The following CLIP3 variants were observed in gnomAD, a reference collection of about 807,000 sequenced individuals.
CLIP3 encodes the protein CAP-Gly domain containing linker protein 3.
CLIP3 carries 15 observed loss-of-function variants against 59.4 expected under a neutral mutation model. The observed-to-expected ratio is 0.25, with a 90% CI of 0.17 to 0.39. The LOEUF is 0.39. CLIP3 is among the 10% of genes least tolerant of loss of function. The pLI is 1.00. For synonymous variants in CLIP3, 300 were observed against 321.6 expected (o/e 0.93, Z 0.72); for missense variants, 495 against 765.7 (o/e 0.65, Z 4.17).
intron 2 of CLIP3, among the ~76,000 whole-genome samples, chr19:36,031,454 C>T (rs1490532222): frequency 6.6e-6 from 1 of 152,180 alleles, no homozygotes; most frequent in Admixed American, 6.5e-5. Flanking sequence ...ATTAAATCTC[C>T]GGCACCCAGC....
chr19:36,021,526 C>T (rs533442001), intron 7 of CLIP3, among the ~76,000 whole-genome samples: 24 of 150,830 alleles, frequency 1.6e-4, no homozygotes, highest in African/African-American at 5.6e-4. Context: ...TGGGCTCAAG[C>T]GATCCTCTCA....
In CLIP3 at chr19:36,026,046, G is replaced by A; in HGVS notation, c.681+101C>T. 1.2e-6 allele frequency: 1 copy of A among 800,926 alleles called. No homozygotes were observed. Among genetic ancestry groups the A allele is most frequent in the Non-Finnish European group, 2.1e-6 (1 of 466,604 alleles). 49.6% of individuals were successfully genotyped at this position (800,926 alleles called of 1,614,324 possible). On this transcript the variant is annotated intron_variant, in intron 6 of 13. Coordinates refer to ENST00000360535, the MANE Select transcript of CLIP3 (RefSeq NM_015526.3). This position sits in a 1 kb window ranked among gnomAD's most constrained non-coding sequence, Gnocchi z 6.3. ...TTTGCTGAATGTACAGACGGCATTT[G>A]TAGTATTTGGGGAGTCACGGGAAAC...
At chr19:36,025,970 G>C (rs193255009) in intron 6 of CLIP3, among the ~76,000 whole-genome samples, 177 bp downstream of exon 6, 4 of 152,314 alleles carry the variant, frequency 2.6e-5, no homozygotes, top group Non-Finnish European at 5.9e-5. Flanking sequence ...GCTTATAATA[G>C]ACTTCACCTG....
chr19:36,020,699 G>A (rs1476448531), intron 7 of CLIP3, among the ~76,000 whole-genome samples: 1 of 152,152 alleles, frequency 6.6e-6, no homozygotes, highest in African/African-American at 2.4e-5. Context: ...GTGCTCAATT[G>A]TCACATGTAG....
Position 36,026,378 on chromosome 19 carries a change from C to T in CLIP3, c.563-113G>A. 1 of 1,146,672 alleles carries T rather than the reference C, an allele frequency of 8.7e-7. No homozygotes were observed. Among genetic ancestry groups the T allele is most frequent in the Non-Finnish European group, 1.3e-6 (1 of 792,848 alleles). The allele number at this position is 1,146,672 out of a possible 1,614,324, so 71.0% of individuals were successfully genotyped here. A position where few individuals can be genotyped will look rare whatever the true frequency, so the allele number is the denominator to read the frequency against. ...AGGTCCCAGAGCCTCCGACGCAGAG[C>T]CCCGCCCCCACCTCGGAGCCCCCCT... On this transcript the variant is annotated intron_variant, in intron 5 of 13. Transcript: ENST00000360535. This position sits in a 1 kb window ranked among gnomAD's most constrained non-coding sequence, Gnocchi z 6.3.
At position 36,028,996 on chromosome 19, in the gene CLIP3, C is replaced by CTTTTTTTTT. The variant is rs71167588; in HGVS notation, c.167-1734_167-1726dup. On this transcript the variant is annotated intron_variant, in intron 2 of 13. Coordinates refer to ENST00000360535, the MANE Select transcript of CLIP3 (RefSeq NM_015526.3). The stretch of plus-strand genomic sequence containing the variant: ...CACCCGCCCTTCTCCATCTCCTACT[C>CTTTTTTTTT]TTTTTTTTTTTTTTTTTTTTTTTTT... Among the ~76,000 whole-genome samples, 20 of 65,214 alleles carry CTTTTTTTTT rather than the reference C, an allele frequency of 3.1e-4. 1 individual carries two copies. Among genetic ancestry groups the CTTTTTTTTT allele is most frequent in the African/African-American group, 1.3e-3 (19 of 15,136 alleles). The allele number at this position is 65,214 out of a possible 152,430, so 42.8% of individuals were successfully genotyped here. A position where few individuals can be genotyped will look rare whatever the true frequency, so the allele number is the denominator to read the frequency against.
intron 3 of CLIP3, 25 bp from the exon 4 acceptor site, chr19:36,027,070 G>C (rs757787125): frequency 1.2e-6 from 2 of 1,600,500 alleles, no homozygotes; most frequent in Admixed American, 3.6e-5. Context: ...GGAGCAGGGA[G>C]GGTCACCCAC....
Position 36,026,082 on chromosome 19 carries a change from G to T in CLIP3, c.681+65C>A. 6 of 1,264,114 alleles carry T rather than the reference G, an allele frequency of 4.7e-6. No homozygotes were observed. Among genetic ancestry groups the T allele is most frequent in the Non-Finnish European group, 6.9e-6 (6 of 868,038 alleles). 78.3% of individuals were successfully genotyped at this position (1,264,114 alleles called of 1,614,324 possible). ...GGAGTCACGGGAAACGCAGAGACCT[G>T]CTGGAGGGAAGTGGGGGAGGAAGGG... On this transcript the variant is annotated intron_variant, in intron 6 of 13. Coordinates refer to ENST00000360535, the MANE Select transcript of CLIP3 (RefSeq NM_015526.3). The surrounding 1 kb of genome is among the most constrained non-coding windows in gnomAD (Gnocchi z 6.3).
Position 36,026,189 on chromosome 19 carries a change from G to C in CLIP3, c.639C>G (p.Ala213=), listed in dbSNP as rs1401356474. 8.1e-6 allele frequency: 13 copies of C among 1,613,698 alleles called. No individual in the cohort carries two copies. Among genetic ancestry groups the C allele is most frequent in the Non-Finnish European group, 1.0e-5 (12 of 1,179,966 alleles). ...HIAASSLCLG[A]AKCLLEHGAN... Reference sequence around the variant, plus strand: ...CGCCGTGCTCCAGCAAACATTTGGCGGCGCCCAGGCACAGGCTGGAAGCAG... The same window carrying C: ...CGCCGTGCTCCAGCAAACATTTGGCCGCGCCCAGGCACAGGCTGGAAGCAG... The change falls in exon 6 of 14, where the codon GCC becomes GCG. Residue 213 remains alanine (A), a synonymous_variant. Transcript: ENST00000360535. The surrounding 1 kb of genome is among the most constrained non-coding windows in gnomAD (Gnocchi z 6.3).
chr19:36,018,616 CAA>C (rs1036722442), intron 9 of CLIP3, among the ~76,000 whole-genome samples: 6 of 148,718 alleles, frequency 4.0e-5, no homozygotes, highest in Non-Finnish European at 7.4e-5. Context: ...GATCAAATGA[CAA>C]AAGACAGGAT....
At chr19:36,019,095 A>G (rs1968882783) in intron 8 of CLIP3, 69 bp from the exon 9 acceptor site, 3 of 1,601,030 alleles carry the variant, frequency 1.9e-6, no homozygotes, top group East Asian at 2.2e-5. Flanking sequence ...TCCATCCCCT[A>G]TTTCCCAGTC....
intron 3 of CLIP3, 42 bp downstream of exon 3, chr19:36,027,090 G>T: frequency 6.3e-7 from 1 of 1,594,160 alleles, no homozygotes; most frequent in African/African-American, 1.4e-5. Context: ...CACATGTGGG[G>T]AACCGCATCC....
chr19:36,022,107 C>T (rs1391555405), intron 7 of CLIP3, among the ~76,000 whole-genome samples: 4 of 151,504 alleles, frequency 2.6e-5, no homozygotes, highest in Non-Finnish European at 5.9e-5. Context: ...GTCTCGATCT[C>T]CTGACCTCGT....
At chr19:36,027,686 T>G (rs1969149674) in intron 2 of CLIP3, among the ~76,000 whole-genome samples, 1 of 152,140 alleles carries the variant, frequency 6.6e-6, no homozygotes, top group African/African-American at 2.4e-5. Context: ...AAGCCAGAAG[T>G]CCTGGTTTTT....
At chr19:36,024,241 A>G (rs1969031591) in intron 7 of CLIP3, 155 bp downstream of exon 7, 1 of 648,146 alleles carries the variant, frequency 1.5e-6, no homozygotes, top group Non-Finnish European at 2.7e-6. Flanking sequence ...ACACCCACGG[A>G]ACAACTGAGA....
Position 36,017,974 on chromosome 19 carries a change from A to G in CLIP3, c.1201T>C (p.Ser401Pro), listed in dbSNP as rs1968847059. Reference protein sequence around the residue: ...REHKGKKKTPSSPSLGSLQQR... With the variant: ...REHKGKKKTPPSPSLGSLQQR... ...TGCAAGCTGCCCAGAGATGGGGATG[A>G]TGGGGTCTTCTTCTTGCCTAAGGGT... Residue 401 changes from serine (S) to proline (P), a missense_variant, in exon 10 of 14, where the codon TCA becomes CCA. Coordinates refer to ENST00000360535, the MANE Select transcript of CLIP3 (RefSeq NM_015526.3). The G allele has an allele frequency of 6.2e-7, 1 of 1,613,974 alleles. No individual in the cohort carries two copies. Among genetic ancestry groups the G allele is most frequent in the African/African-American group, 1.3e-5 (1 of 75,032 alleles).
chr19:36,023,810 A>G (rs547348709), intron 7 of CLIP3, among the ~76,000 whole-genome samples: 2 of 152,218 alleles, frequency 1.3e-5, no homozygotes, highest in South Asian at 4.1e-4. Context: ...CTCCCTCCCT[A>G]AGGACAGACT....
rs1968776114 is a variant in CLIP3, at chr19:36,015,635, T to G, written c.*523A>C. 1 of 162,674 alleles carries G rather than the reference T, an allele frequency of 6.1e-6. No homozygotes were observed. 10.1% of individuals were successfully genotyped at this position (162,674 alleles called of 1,614,324 possible). On this transcript the variant is annotated 3_prime_UTR_variant, in exon 14 of 14. Transcript: ENST00000360535. ...GAAGTCTCTGATTGAGGGGTTGGAA[T>G]CTAAGGGCTTCAGGGTGACCATGGG... is the stretch of plus-strand genomic sequence containing the variant.
At chr19:36,019,327 A>T (rs979769943) in intron 7 of CLIP3, 21 bp from the exon 8 acceptor site, 6 of 1,599,568 alleles carry the variant, frequency 3.8e-6, no homozygotes, top group Non-Finnish European at 5.1e-6. Flanking sequence ...AAGGGAGGCG[A>T]TGGCTAAGGA....
Sources: gnomAD v4.1 joint callset for allele counts (sites outside exome capture counted in the v4.1 genomes callset) on GRCh38, gnomAD v4.1.1 for gene constraint, Gnocchi (gnomAD v3.1) non-coding constraint, MANE v1.5 for transcripts, NCBI Gene and HGNC (gene_info 2026-07-23, HGNC 2026-07-21) for gene names.